The following NLRP5 variants were observed in gnomAD, a reference collection of about 807,000 sequenced individuals.
NLRP5 encodes the protein NACHT, LRR and PYD domains-containing protein 5.
Under a neutral mutation model 113.1 loss-of-function variants are expected in NLRP5, and 93 were observed. That is an observed-to-expected ratio of 0.82 (90% CI 0.70 to 0.98). The LOEUF (loss-of-function observed/expected upper bound fraction) is 0.98. Ranked by LOEUF, NLRP5 falls within the 50% of genes least tolerant of loss-of-function variation. The probability of loss-of-function intolerance (pLI) is 0.00; values close to 1 mark genes in which losing one functional copy is unlikely to be tolerated. For missense variants in NLRP5, 1,808 were observed against 1,514.3 expected (o/e 1.19, Z -3.22); for synonymous variants, 751 against 600.7 (o/e 1.25, Z -3.66).
chr19:56,028,618 A>G (rs1982975073), intron 7 of NLRP5, 109 bp downstream of exon 7: 2 of 1,076,870 alleles, frequency 1.9e-6, no homozygotes, highest in African/African-American at 3.1e-5. Flanking sequence ...GAATTCTTTC[A>G]GGATGAATGG....
the NLRP5 span, chr19:55,988,283 T>A: frequency 6.2e-6 from 1 of 161,316 alleles, no homozygotes; most frequent in Non-Finnish European, 1.3e-5. Context: ...TAATCCCAGC[T>A]GCTCGGGAGG....
intron 6 of NLRP5, among the ~76,000 whole-genome samples, chr19:56,024,392 A>C (rs554649122): frequency 3.1e-5 from 4 of 127,490 alleles, no homozygotes. Flanking sequence ...TATAACATAT[A>C]TACATATATG....
intron 4 of NLRP5, among the ~76,000 whole-genome samples, chr19:56,016,882 C>A (rs1422215993): frequency 6.6e-6 from 1 of 152,176 alleles, no homozygotes; most frequent in Non-Finnish European, 1.5e-5. Flanking sequence ...GATCTCAGCT[C>A]ACTGCAAGCT....
the NLRP5 span, among the ~76,000 whole-genome samples, chr19:55,989,123 T>C: frequency 6.6e-6 from 1 of 152,370 alleles, no homozygotes; most frequent in East Asian, 1.9e-4. Flanking sequence ...TGTTCACGTG[T>C]ACCTAGTTTT....
chr19:56,019,435 G>A (rs1568487623), intron 5 of NLRP5, 37 bp downstream of exon 5: 1 of 1,598,992 alleles, frequency 6.3e-7, no homozygotes, highest in Non-Finnish European at 8.6e-7. Flanking sequence ...TTGCCCTCCT[G>A]GAAGAAAGTT....
intron 11 of NLRP5, among the ~76,000 whole-genome samples, chr19:56,046,424 T>TGTGTGTGTGTGTG (rs1312407586): frequency 3.7e-4 from 27 of 72,690 alleles, no homozygotes; most frequent in South Asian, 7.9e-4. Context: ...GTGTGTGTGT[T>TGTGTGTGTGTGTG]TCTGTTACGT....
chr19:56,008,411 G>A (rs552741995), intron 2 of NLRP5, among the ~76,000 whole-genome samples: 3 of 152,082 alleles, frequency 2.0e-5, no homozygotes, highest in Admixed American at 6.6e-5. Context: ...GTTGTTGAAG[G>A]TACCTGTATT....
intron 11 of NLRP5, 110 bp downstream of exon 11, chr19:56,041,202 G>A: frequency 2.0e-6 from 2 of 1,021,758 alleles, no homozygotes; most frequent in South Asian, 1.5e-5. Context: ...ATCACATGAA[G>A]GGACCTGGTA....
chr19:56,020,457 G>A (rs1568487975), intron 6 of NLRP5, 26 bp downstream of exon 6: 4 of 1,608,364 alleles, frequency 2.5e-6, no homozygotes, highest in Non-Finnish European at 3.4e-6. Context: ...GTATTCCTTG[G>A]TTGCCCTCCT....
At chr19:56,024,513 G>GCGCA (rs754511074) in intron 6 of NLRP5, among the ~76,000 whole-genome samples, 1 of 92,536 alleles carries the variant, frequency 1.1e-5, no homozygotes, top group Non-Finnish European at 2.2e-5. Context: ...ATATGTATAT[G>GCGCA]TGTATGTATA....
chr19:56,023,575 A>G (rs1293007440), intron 6 of NLRP5, among the ~76,000 whole-genome samples: 1 of 152,122 alleles, frequency 6.6e-6, no homozygotes, highest in Non-Finnish European at 1.5e-5. Flanking sequence ...CGTGTTAGAT[A>G]TTATAAGTAG....
chr19:55,999,577 G>T (rs1254700968), upstream of NLRP5: 4 of 661,660 alleles, frequency 6.0e-6, no homozygotes, highest in African/African-American at 1.8e-5. Flanking sequence ...GGGTTCCCAT[G>T]CATGCTCTGT....
At chr19:56,057,484 C>A (rs17714301) in intron 13 of NLRP5, among the ~76,000 whole-genome samples, 20,285 of 152,136 alleles carry the variant, frequency 0.13, 1,361 homozygotes, top group East Asian at 0.14. Flanking sequence ...AATGTGTCTC[C>A]TTTCCGCAAG....
chr19:56,039,506 T>A (rs1351546960), intron 10 of NLRP5, among the ~76,000 whole-genome samples: 1 of 152,082 alleles, frequency 6.6e-6, no homozygotes, highest in Non-Finnish European at 1.5e-5. Context: ...CTCTCGATCT[T>A]GGGTGTCATA....
chr19:56,007,900 CGTGCGTGTGTGTGTGTGTGTGT>C, intron 2 of NLRP5, among the ~76,000 whole-genome samples: 2 of 79,470 alleles, frequency 2.5e-5, no homozygotes, highest in South Asian at 4.1e-4. Flanking sequence ...CGCGTGCGCG[CGTGCGTGTGTGTGTGTGTGTGT>C]GTGTGTGTGT....
intron 7 of NLRP5, among the ~76,000 whole-genome samples, chr19:56,031,971 T>A (rs1012133000): frequency 8.5e-5 from 13 of 152,082 alleles, no homozygotes; most frequent in Non-Finnish European, 1.3e-4. Flanking sequence ...ATTTTAATAT[T>A]TTTTTAGGAA....
At chr19:56,007,891 G>A (rs767329550) in intron 2 of NLRP5, among the ~76,000 whole-genome samples, 1,951 of 39,764 alleles carry the variant, frequency 0.049, 45 homozygotes, top group Non-Finnish European at 0.09. Flanking sequence ...GTGTGTGTGC[G>A]CGTGCGCGCG....
chr19:56,055,741 T>G (rs1414542523), intron 13 of NLRP5, among the ~76,000 whole-genome samples: 3 of 151,444 alleles, frequency 2.0e-5, no homozygotes, highest in Non-Finnish European at 4.4e-5. Context: ...GAGACGGGGT[T>G]TCACCGTGTT....
In NLRP5 at chr19:56,041,095, G is replaced by A; in HGVS notation, c.2957+3G>A. The A allele has an allele frequency of 2.5e-6, 4 of 1,613,594 alleles. No homozygotes were observed. The highest frequency in any genetic ancestry group is 3.4e-6 in the Non-Finnish European group (4 of 1,179,660). ...CACTGTAGTCTGCAGAGGCTGATGT[G>A]AGTCTGGCTTGCTCCCCTGCAAGGA... On this transcript the variant is annotated splice_donor_region_variant and intron_variant, in intron 11 of 14. Transcript: ENST00000390649.
Sources: allele counts gnomAD v4.1 joint callset (sites outside exome capture counted in the v4.1 genomes callset), GRCh38; gene constraint gnomAD v4.1.1; transcripts MANE v1.5; gene names NCBI Gene and HGNC (gene_info 2026-07-23, HGNC 2026-07-21).